Variants in SBF2 observed in about 807,000 individuals in gnomAD.
SBF2 encodes the protein myotubularin-related protein 13.
SBF2 carries 112 observed loss-of-function variants against 225.2 expected under a neutral mutation model. That is an observed-to-expected ratio of 0.50 (90% CI 0.43 to 0.58). SBF2 has a LOEUF of 0.58. Ranked by LOEUF, SBF2 falls within the 20% of genes least tolerant of loss-of-function variation. SBF2 has a pLI of 0.00. For synonymous variants in SBF2, 763 were observed against 773.3 expected, an observed-to-expected ratio of 0.99 and a Z score of 0.22; for missense variants, 1,996 against 2,206.2, an observed-to-expected ratio of 0.90 and a Z score of 1.91.
At chr11:9,990,804 G>T (rs960326713) in intron 12 of SBF2, among the ~76,000 whole-genome samples, 1 of 152,130 alleles carries the variant, frequency 6.6e-6, no homozygotes, top group Admixed American at 6.5e-5. Flanking sequence ...GAAGCCTAAC[G>T]CAGTCGAGTG....
chr11:9,876,802 C>T (rs904546687), intron 17 of SBF2, among the ~76,000 whole-genome samples: 1 of 152,144 alleles, frequency 6.6e-6, no homozygotes, highest in Non-Finnish European at 1.5e-5. Context: ...TGCAGTGGGG[C>T]AATCTCGGCT....
intron 2 of SBF2, among the ~76,000 whole-genome samples, chr11:10,136,966 T>C (rs1413570676): frequency 6.6e-6 from 1 of 152,234 alleles, no homozygotes; most frequent in Non-Finnish European, 1.5e-5. Context: ...GGGATTTTTA[T>C]AAGAATTGTG....
chr11:9,966,803 C>T (rs956947432), intron 14 of SBF2, among the ~76,000 whole-genome samples: 4 of 152,050 alleles, frequency 2.6e-5, no homozygotes, highest in South Asian at 2.1e-4. Flanking sequence ...GAAATTAGAA[C>T]GAAAGAAATC....
chr11:9,815,401 C>T (rs1037980581), intron 29 of SBF2, among the ~76,000 whole-genome samples: 3 of 150,926 alleles, frequency 2.0e-5, no homozygotes, highest in Non-Finnish European at 4.4e-5. Flanking sequence ...TGCAGTGAGC[C>T]GAGATCATGC....
intron 6 of SBF2, among the ~76,000 whole-genome samples, chr11:10,012,852 T>C (rs1365530726): frequency 6.6e-5 from 10 of 152,148 alleles, no homozygotes; most frequent in Non-Finnish European, 1.5e-4. Context: ...GTTAGGCTGC[T>C]GATGTCTGGT....
chr11:9,838,190 T>C (rs1200558777), intron 26 of SBF2: 1 of 151,894 alleles, frequency 6.6e-6, no homozygotes, highest in Non-Finnish European at 1.5e-5. Flanking sequence ...CTATGTCCCC[T>C]TTTTTTTCCT....
intron 16 of SBF2, among the ~76,000 whole-genome samples, chr11:9,935,360 G>A (rs9994785): frequency 1.4e-4 from 21 of 152,058 alleles, no homozygotes; most frequent in African/African-American, 3.4e-4. Flanking sequence ...AACCAATACC[G>A]TGAAAATGGC....
intron 2 of SBF2, among the ~76,000 whole-genome samples, chr11:10,054,882 T>C (rs1950195404): frequency 7.0e-6 from 1 of 141,952 alleles, no homozygotes; most frequent in Admixed American, 7.5e-5. Flanking sequence ...CCATTATTTT[T>C]ATTTGTTTGC....
chr11:10,090,063 A>T lies in SBF2; in HGVS notation c.142-47082T>A, dbSNP rs538106887. Among the ~76,000 whole-genome samples the T allele has an allele frequency of 6.6e-5, 10 of 152,344 alleles. No individual in the cohort carries two copies. In the South Asian group the frequency reaches 2.1e-3, roughly 32 times the overall value. On this transcript the variant is annotated intron_variant, in intron 2 of 39. Coordinates refer to ENST00000256190, the MANE Select transcript of SBF2 (RefSeq NM_030962.4). ...AATGAGCTTGGAAGACATTATGCTA[A>T]GTGAAATAAGCCAGACACAAAACAA...
chr11:9,931,060 T>C (rs1332574475), intron 16 of SBF2, among the ~76,000 whole-genome samples: 1 of 152,260 alleles, frequency 6.6e-6, no homozygotes, highest in East Asian at 1.9e-4. Flanking sequence ...GAGGGGCATC[T>C]GCCATTGCTG....
intron 2 of SBF2, among the ~76,000 whole-genome samples, chr11:10,169,777 A>T (rs947755566): frequency 1.3e-5 from 2 of 152,172 alleles, no homozygotes; most frequent in Non-Finnish European, 2.9e-5. Flanking sequence ...TAGTGGCTTT[A>T]GCAATTTACA....
chr11:10,124,087 A>C (rs994071904), intron 2 of SBF2, among the ~76,000 whole-genome samples: 2 of 152,182 alleles, frequency 1.3e-5, no homozygotes, highest in Admixed American at 6.5e-5. Context: ...GCCTTTAAAA[A>C]ATTATGACTG....
intron 2 of SBF2, among the ~76,000 whole-genome samples, chr11:10,145,908 C>T (rs2135152803): frequency 6.6e-6 from 1 of 152,274 alleles, no homozygotes; most frequent in Non-Finnish European, 1.5e-5. Flanking sequence ...ACAAACACCA[C>T]TAGCATTCCC....
chr11:10,074,564 T>C (rs985013160), intron 2 of SBF2, among the ~76,000 whole-genome samples: 3 of 152,242 alleles, frequency 2.0e-5, no homozygotes, highest in African/African-American at 7.2e-5. Context: ...GTGATAGCTA[T>C]ATATTCATCT....
intron 9 of SBF2, among the ~76,000 whole-genome samples, chr11:9,996,476 G>A (rs1391674028): frequency 1.3e-5 from 2 of 152,096 alleles, no homozygotes; most frequent in Non-Finnish European, 2.9e-5. Context: ...TGCAACCTCC[G>A]CCTCCCAGGT....
In SBF2 at chr11:9,857,738, ATT is replaced by A. The variant is rs575001234; in HGVS notation, c.2100+486_2100+487del. Reference sequence around the variant, plus strand: ...TAAAAACAATTTTCTTGATTTTTAAATTTTTTTGATATTTTTCATAAAAATAT... The same window carrying A: ...TAAAAACAATTTTCTTGATTTTTAAATTTTTGATATTTTTCATAAAAATAT... On this transcript the variant is annotated intron_variant, in intron 18 of 39. Transcript: ENST00000256190. Among the ~76,000 whole-genome samples, 362 of 152,292 alleles carry A rather than the reference ATT, an allele frequency of 2.4e-3. 4 individuals carry two copies. Among genetic ancestry groups the A allele is most frequent in the African/African-American group, 8.5e-3 (354 of 41,568 alleles).
intron 2 of SBF2, among the ~76,000 whole-genome samples, chr11:10,078,922 T>C (rs2134851927): frequency 6.6e-6 from 1 of 152,274 alleles, no homozygotes; most frequent in Admixed American, 6.5e-5. Context: ...GCAACTAGCA[T>C]TTAAGAAATC....
intron 2 of SBF2, among the ~76,000 whole-genome samples, chr11:10,123,443 T>A (rs963644946): frequency 3.9e-5 from 6 of 152,198 alleles, no homozygotes; most frequent in African/African-American, 1.4e-4. Context: ...ATCTGGGTAG[T>A]TTTATAAATC....
At chr11:10,271,137 C>A (rs541714447) in intron 1 of SBF2, among the ~76,000 whole-genome samples, 7 of 149,768 alleles carry the variant, frequency 4.7e-5, no homozygotes, top group Non-Finnish European at 1.0e-4. Context: ...TGGTTATGAT[C>A]AAAAAGACAG....
Sources: allele counts gnomAD v4.1 joint callset (sites outside exome capture counted in the v4.1 genomes callset), GRCh38; gene constraint gnomAD v4.1.1; transcripts MANE v1.5; gene names NCBI Gene and HGNC (gene_info 2026-07-23, HGNC 2026-07-21).